STK3: variants seen among roughly 807,000 people sequenced by gnomAD.
STK3 encodes serine/threonine kinase 3.
In STK3, 41 loss-of-function variants were observed where a neutral mutation model predicts 58.0. That is an observed-to-expected ratio of 0.71 (90% CI 0.55 to 0.92). The LOEUF is 0.92. Among genes scored for constraint, STK3 ranks in the 40% least tolerant of loss-of-function variants. The pLI, the probability that STK3 is intolerant of heterozygous loss-of-function variation, is 0.00. For synonymous variants in STK3, 170 were observed against 191.0 expected (o/e 0.89, Z 0.91); for missense variants, 479 against 602.7 (o/e 0.79, Z 2.15).
At chr8:98,666,578 TTAAAAG>T (rs1266997446) in intron 6 of STK3, among the ~76,000 whole-genome samples, 1 of 152,120 alleles carries the variant, frequency 6.6e-6, no homozygotes, top group Non-Finnish European at 1.5e-5. Flanking sequence ...ACCCAATTCT[TTAAAAG>T]TAAACCAAAA....
At chr8:98,418,078 T>TA (rs1249085622) in intron 3 of STK3, among the ~76,000 whole-genome samples, 6 of 152,106 alleles carry the variant, frequency 3.9e-5, no homozygotes, top group African/African-American at 1.4e-4. Flanking sequence ...CCCAGCTAAT[T>TA]AAAAAAATTT....
rs1033142255 is a variant in STK3 at position 98,712,158 on chromosome 8, A to G, written c.352-4847T>C. Among the ~76,000 whole-genome samples, 37 of 152,338 alleles carry G rather than the reference A, an allele frequency of 2.4e-4. No homozygotes were observed. In the East Asian group the frequency reaches 2.9e-3, roughly 12 times the overall value. On this transcript the variant is annotated intron_variant, in intron 4 of 10. Coordinates refer to ENST00000419617, the MANE Select transcript of STK3 (RefSeq NM_006281.4). The stretch of plus-strand genomic sequence containing the variant: ...GCAATAAACATGGAAAGGAACAACC[A>G]GTACCAGCCACTGCAAAAACATGCC...
intron 3 of STK3, among the ~76,000 whole-genome samples, chr8:98,425,013 G>A (rs1226980782): frequency 1.3e-5 from 2 of 152,208 alleles, no homozygotes; most frequent in Non-Finnish European, 2.9e-5. Flanking sequence ...GAGACACCTT[G>A]CAGCCACCAT....
the STK3 span, among the ~76,000 whole-genome samples, chr8:98,351,948 A>G: frequency 6.6e-6 from 1 of 152,110 alleles, no homozygotes; most frequent in Admixed American, 6.6e-5. Flanking sequence ...TCATGAGGTC[A>G]GGAGATCGAG....
intron 3 of STK3, chr8:98,434,075 G>A (rs780227052): frequency 3.9e-5 from 6 of 152,188 alleles, no homozygotes; most frequent in Non-Finnish European, 8.8e-5. Flanking sequence ...GCCCCAGAAG[G>A]GGCCCTGAGG....
chr8:98,380,505 T>C (rs1439980618), intron 1 of STK3, among the ~76,000 whole-genome samples: 1 of 152,222 alleles, frequency 6.6e-6, no homozygotes, highest in African/African-American at 2.4e-5. Context: ...TTTTCTCACA[T>C]CTATTATTAC....
At chr8:98,745,744 C>G (rs977660105) in intron 4 of STK3, among the ~76,000 whole-genome samples, 6 of 151,828 alleles carry the variant, frequency 4.0e-5, no homozygotes, top group African/African-American at 1.5e-4. Flanking sequence ...ACTGAGAAGC[C>G]CTATAATGCC....
chr8:98,422,392 C>G (rs1240398614), intron 3 of STK3, among the ~76,000 whole-genome samples: 1 of 152,140 alleles, frequency 6.6e-6, no homozygotes, highest in African/African-American at 2.4e-5. Flanking sequence ...CCTCCCTCAT[C>G]TCCAGGCCTG....
At chr8:98,468,358 C>G (rs1820642215) in intron 10 of STK3, among the ~76,000 whole-genome samples, 1 of 152,114 alleles carries the variant, frequency 6.6e-6, no homozygotes, top group Non-Finnish European at 1.5e-5. Context: ...TTAATTTTCC[C>G]AGCTACTGAC....
intron 1 of STK3, among the ~76,000 whole-genome samples, chr8:98,809,103 C>T (rs1340367666): frequency 6.6e-6 from 1 of 152,186 alleles, no homozygotes; most frequent in East Asian, 1.9e-4. Flanking sequence ...GAGACATAAG[C>T]TCCTGCACTG....
At chr8:98,373,177 T>C (rs1817628788) in intron 2 of STK3, among the ~76,000 whole-genome samples, 1 of 152,188 alleles carries the variant, frequency 6.6e-6, no homozygotes, top group African/African-American at 2.4e-5. Flanking sequence ...GTTATTATTC[T>C]TGCTTTTTTT....
At chr8:98,421,205 C>A (rs1383848713) in intron 3 of STK3, among the ~76,000 whole-genome samples, 1 of 152,206 alleles carries the variant, frequency 6.6e-6, no homozygotes, top group African/African-American at 2.4e-5. Flanking sequence ...GTTCAGCTGT[C>A]AGCCTCCCAC....
chr8:98,786,443 G>C (rs1453744564), intron 1 of STK3, among the ~76,000 whole-genome samples: 1 of 152,164 alleles, frequency 6.6e-6, no homozygotes, highest in East Asian at 1.9e-4. Flanking sequence ...AGCTACTTGG[G>C]AGGCTGGGGT....
At chr8:98,539,885 C>T (rs879782516) in intron 9 of STK3, among the ~76,000 whole-genome samples, 1 of 152,162 alleles carries the variant, frequency 6.6e-6, no homozygotes, top group African/African-American at 2.4e-5. Context: ...TCCTGGGTAG[C>T]TGGGATTACA....
chr8:98,936,276 G>A (rs1417101112), intron 1 of STK3, among the ~76,000 whole-genome samples: 1 of 152,058 alleles, frequency 6.6e-6, no homozygotes, highest in African/African-American at 2.4e-5. Flanking sequence ...GACACAGAGG[G>A]TTCAACAAGC....
At chr8:98,654,532 G>A (rs1397044093) in intron 6 of STK3, among the ~76,000 whole-genome samples, 1 of 152,170 alleles carries the variant, frequency 6.6e-6, no homozygotes, top group Non-Finnish European at 1.5e-5. Flanking sequence ...TAGGAAAAGA[G>A]GAAGGCAAAT....
chr8:98,804,148 T>A (rs1302125643), intron 1 of STK3, among the ~76,000 whole-genome samples: 1 of 152,058 alleles, frequency 6.6e-6, no homozygotes, highest in African/African-American at 2.4e-5. Context: ...ATTACAGGTG[T>A]ACACCACCAC....
At chr8:98,593,377 A>C (rs1462759743) in intron 7 of STK3, among the ~76,000 whole-genome samples, 1 of 152,190 alleles carries the variant, frequency 6.6e-6, no homozygotes, top group Non-Finnish European at 1.5e-5. Context: ...TAATCTGTAC[A>C]CGTAAGCTAT....
intron 1 of STK3, among the ~76,000 whole-genome samples, chr8:98,891,961 C>A (rs938692147): frequency 1.3e-5 from 2 of 152,096 alleles, no homozygotes; most frequent in Non-Finnish European, 2.9e-5. Context: ...GACAAAAGAC[C>A]TCCCTATGCC....
Sources: gnomAD v4.1 joint callset for allele counts (sites outside exome capture counted in the v4.1 genomes callset) on GRCh38, gnomAD v4.1.1 for gene constraint, MANE v1.5 for transcripts, NCBI Gene and HGNC (gene_info 2026-07-23, HGNC 2026-07-21) for gene names.